FOXP1: variants seen among roughly 807,000 people sequenced by gnomAD.
The protein encoded by FOXP1 is forkhead box protein P1.
In FOXP1, 15 loss-of-function variants were observed where a neutral mutation model predicts 98.2. That is an observed-to-expected ratio of 0.15 (90% CI 0.10 to 0.24). The LOEUF (loss-of-function observed/expected upper bound fraction) is 0.24. Among genes scored for constraint, FOXP1 ranks in the 10% least tolerant of loss-of-function variants. The probability of loss-of-function intolerance (pLI) is 1.00; values close to 1 mark genes in which losing one functional copy is unlikely to be tolerated. For missense variants in FOXP1, 633 were observed against 848.5 expected (o/e 0.75, Z 3.15); for synonymous variants, 371 against 314.5 (o/e 1.18, Z -1.90).
At chr3:71,195,599 T>C (rs2063248001) in intron 6 of FOXP1, among the ~76,000 whole-genome samples, 1 of 152,202 alleles carries the variant, frequency 6.6e-6, no homozygotes, top group African/African-American at 2.4e-5. Flanking sequence ...ACCCCTGTTG[T>C]CTTTGTACTA....
chr3:71,098,549 C>T (rs554305930), intron 7 of FOXP1, among the ~76,000 whole-genome samples: 4 of 152,182 alleles, frequency 2.6e-5, no homozygotes, highest in South Asian at 2.1e-4. Context: ...TAGGGGCTCG[C>T]GAACCTGAGA....
At chr3:71,461,920 G>A (rs1338722400) in intron 3 of FOXP1, among the ~76,000 whole-genome samples, 1 of 152,114 alleles carries the variant, frequency 6.6e-6, no homozygotes, top group African/African-American at 2.4e-5. Flanking sequence ...TTCTAAGAAA[G>A]AGTGATTAAC....
At chr3:70,973,245 C>T (rs1007966606) in intron 17 of FOXP1, among the ~76,000 whole-genome samples, 23 of 133,230 alleles carry the variant, frequency 1.7e-4, no homozygotes, top group African/African-American at 7.0e-4. Flanking sequence ...CCCGCCCCCG[C>T]CCCGCCCCGC....
At chr3:71,228,436 C>T (rs2066012827) in intron 5 of FOXP1, among the ~76,000 whole-genome samples, 1 of 152,012 alleles carries the variant, frequency 6.6e-6, no homozygotes, top group South Asian at 2.1e-4. Context: ...CAAGGCTAAA[C>T]ACCACAGGAC....
At chr3:71,107,284 C>T (rs1242064699) in intron 7 of FOXP1, among the ~76,000 whole-genome samples, 28 of 152,166 alleles carry the variant, frequency 1.8e-4, no homozygotes, top group Admixed American at 1.8e-3. Flanking sequence ...GCAGGAGTAT[C>T]AGCCTGGACC....
chr3:71,257,449 G>A (rs926048982), intron 5 of FOXP1, among the ~76,000 whole-genome samples: 9 of 152,026 alleles, frequency 5.9e-5, no homozygotes, highest in Non-Finnish European at 8.8e-5. Flanking sequence ...GCCGAGGGTG[G>A]TGGCAGGCCC....
chr3:71,250,415 G>A (rs563745279), intron 5 of FOXP1, among the ~76,000 whole-genome samples: 1 of 152,300 alleles, frequency 6.6e-6, no homozygotes, highest in Non-Finnish European at 1.5e-5. Flanking sequence ...CTGAGGAACT[G>A]AATTTTTAAT....
chr3:71,027,180 T>C (rs1241480284), intron 11 of FOXP1, among the ~76,000 whole-genome samples: 1 of 152,190 alleles, frequency 6.6e-6, no homozygotes, highest in Non-Finnish European at 1.5e-5. Flanking sequence ...CAAGTGTGTT[T>C]GCACTGGTGA....
chr3:71,446,076 AGTG>A (rs2086403752), intron 3 of FOXP1, among the ~76,000 whole-genome samples: 1 of 135,552 alleles, frequency 7.4e-6, no homozygotes, highest in African/African-American at 2.7e-5. Flanking sequence ...TGAGTGAGTG[AGTG>A]AGTGAATGAA....
rs190678161 is a variant in FOXP1, at chr3:71,389,747, C to T, written c.-167-30503G>A. Reference sequence around the variant, plus strand: ...TTTTTAATCACTTTTTTTGCAAAAACTTGCATAATTTAATAATAATTGTGG... The same window carrying T: ...TTTTTAATCACTTTTTTTGCAAAAATTTGCATAATTTAATAATAATTGTGG... On this transcript the variant is annotated intron_variant, in intron 3 of 20. Transcript: ENST00000649528. Among the ~76,000 whole-genome samples the T allele has an allele frequency of 1.1e-3, 168 of 151,776 alleles. 1 individual carries two copies. Among genetic ancestry groups the T allele is most frequent in the African/African-American group, 3.9e-3 (162 of 41,412 alleles).
intron 1 of FOXP1, among the ~76,000 whole-genome samples, chr3:71,583,250 C>T (rs1166643189): frequency 6.6e-6 from 1 of 152,054 alleles, no homozygotes; most frequent in Admixed American, 6.5e-5. Flanking sequence ...CGCCCCCGCC[C>T]CCATTTGACT....
intron 6 of FOXP1, among the ~76,000 whole-genome samples, chr3:71,114,677 G>T (rs186206634): frequency 1.3e-5 from 2 of 152,302 alleles, no homozygotes; most frequent in East Asian, 3.9e-4. Context: ...CAGATGTAAT[G>T]CACAGGCTAG....
chr3:71,497,352 GT>G (rs1357537553), intron 2 of FOXP1, among the ~76,000 whole-genome samples: 13 of 152,160 alleles, frequency 8.5e-5, no homozygotes, highest in Admixed American at 4.6e-4. Flanking sequence ...CCAGGAGAAA[GT>G]TTTTTGATTT....
intron 3 of FOXP1, among the ~76,000 whole-genome samples, chr3:71,464,384 T>C (rs1284914834): frequency 2.0e-5 from 3 of 152,188 alleles, no homozygotes; most frequent in Non-Finnish European, 4.4e-5. Flanking sequence ...CTCGGCTCAC[T>C]GCCAAAGTCA....
At chr3:71,472,486 A>G (rs2089454219) in intron 3 of FOXP1, among the ~76,000 whole-genome samples, 1 of 151,562 alleles carries the variant, frequency 6.6e-6, no homozygotes, top group African/African-American at 2.4e-5. Flanking sequence ...TCTTCAAGTC[A>G]TATTTTGGGT....
chr3:71,280,165 A>T (rs1385339957), intron 5 of FOXP1, among the ~76,000 whole-genome samples: 2 of 151,396 alleles, frequency 1.3e-5, no homozygotes, highest in Non-Finnish European at 2.9e-5. Context: ...TGCAAGCCAC[A>T]AATGTAATTT....
At chr3:71,465,360 G>A (rs1165930693) in intron 3 of FOXP1, among the ~76,000 whole-genome samples, 3 of 151,446 alleles carry the variant, frequency 2.0e-5, no homozygotes, top group African/African-American at 7.3e-5. Context: ...AGAGGGCCAG[G>A]CTAGAATTGT....
intron 3 of FOXP1, among the ~76,000 whole-genome samples, chr3:71,455,645 G>A (rs907934309): frequency 2.0e-5 from 3 of 152,192 alleles, no homozygotes; most frequent in South Asian, 2.1e-4. Flanking sequence ...CCTCTCCCAC[G>A]TCATGCTCTT....
intron 14 of FOXP1, among the ~76,000 whole-genome samples, chr3:70,978,798 T>TATCA (rs1218105103): frequency 6.6e-6 from 1 of 152,226 alleles, no homozygotes; most frequent in African/African-American, 2.4e-5. Flanking sequence ...TTATTAAATC[T>TATCA]ATCAAATACA....
Sources: gnomAD v4.1 joint callset for allele counts (sites outside exome capture counted in the v4.1 genomes callset) on GRCh38, gnomAD v4.1.1 for gene constraint, MANE v1.5 for transcripts, NCBI Gene and HGNC (gene_info 2026-07-23, HGNC 2026-07-21) for gene names.